The following MEF2D variants were observed in gnomAD, a reference collection of about 807,000 sequenced individuals.
The protein encoded by MEF2D is myocyte-specific enhancer factor 2D.
MEF2D carries 10 observed loss-of-function variants against 59.3 expected under a neutral mutation model. The observed-to-expected ratio is 0.17, with a 90% CI of 0.10 to 0.29. The LOEUF is 0.29. MEF2D is among the 10% of genes least tolerant of loss of function. The probability of loss-of-function intolerance (pLI) is 1.00; values close to 1 mark genes in which losing one functional copy is unlikely to be tolerated. For synonymous variants in MEF2D, 305 were observed against 295.0 expected, an observed-to-expected ratio of 1.03 and a Z score of -0.35; for missense variants, 508 against 699.4, an observed-to-expected ratio of 0.73 and a Z score of 3.09.
intron 6 of MEF2D, among the ~76,000 whole-genome samples, chr1:156,478,241 G>A (rs936941831): frequency 5.9e-5 from 9 of 152,156 alleles, no homozygotes; most frequent in African/African-American, 2.2e-4. Context: ...TTATCACCAG[G>A]GAGGTATTAT....
rs747592550 is a variant in MEF2D, at chr1:156,468,862, G to A, written c.1165C>T (p.Pro389Ser). The A allele has an allele frequency of 3.7e-6, 6 of 1,608,204 alleles. No homozygotes were observed. The highest frequency in any genetic ancestry group is 5.1e-6 in the Non-Finnish European group (6 of 1,174,576). ...GGCTGCTGAGGCTGCTGTGGCTGTG[G>A]CTGCTGTGGCTGCGGTGGCTGCTGC... ...PQQQPPQPQQ[P>S]QPQQPQQPQQ... Residue 389 changes from proline (P) to serine (S), a missense_variant, in exon 10 of 12, where the codon CCA (proline) becomes TCA (serine). Pro to Ser is a moderately conservative substitution (Grantham distance 74). Transcript: ENST00000348159. This position sits in a 1 kb window ranked among gnomAD's most constrained non-coding sequence, Gnocchi z 4.3.
chr1:156,479,851 T>G, intron 4 of MEF2D, 55 bp from the exon 5 acceptor site: 1 of 1,502,542 alleles, frequency 6.7e-7, no homozygotes, highest in East Asian at 2.5e-5. Flanking sequence ...TTCCATGGAG[T>G]CCACTTTTCC....
chr1:156,489,331 ACAGT>A (rs1446139864), intron 1 of MEF2D, among the ~76,000 whole-genome samples: 1 of 152,130 alleles, frequency 6.6e-6, no homozygotes, highest in East Asian at 1.9e-4. Flanking sequence ...TGTCACCCCC[ACAGT>A]CAGGCAGCCT....
chr1:156,494,222 G>A (rs554575972), intron 1 of MEF2D, among the ~76,000 whole-genome samples: 3 of 151,976 alleles, frequency 2.0e-5, no homozygotes, highest in Non-Finnish European at 4.4e-5. Flanking sequence ...TGATCCAACT[G>A]GAGTGGGAAG....
intron 6 of MEF2D, among the ~76,000 whole-genome samples, chr1:156,477,693 A>G (rs1387321376): frequency 6.6e-6 from 1 of 152,162 alleles, no homozygotes; most frequent in Non-Finnish European, 1.5e-5. Context: ...CCTGGTCACC[A>G]TGACAAACCA....
At chr1:156,477,509 T>C (rs1363907680) in intron 6 of MEF2D, among the ~76,000 whole-genome samples, 1 of 152,200 alleles carries the variant, frequency 6.6e-6, no homozygotes, top group Admixed American at 6.5e-5. Flanking sequence ...CTCTAGGCTC[T>C]GCGACGGCCA....
chr1:156,474,311 T>C (rs1291583862), intron 9 of MEF2D, among the ~76,000 whole-genome samples: 1 of 152,098 alleles, frequency 6.6e-6, no homozygotes, highest in Non-Finnish European at 1.5e-5. Flanking sequence ...TAGCTGGGCA[T>C]GGTGGCGCAT....
At chr1:156,499,488 G>C (rs1454652323) in intron 1 of MEF2D, 1 of 152,138 alleles carries the variant, frequency 6.6e-6, no homozygotes, top group African/African-American at 2.4e-5. Flanking sequence ...GGAGTCCTCG[G>C]AAGGCTGCTG....
chr1:156,485,469 C>T (rs1027732886), intron 1 of MEF2D, among the ~76,000 whole-genome samples: 5 of 148,206 alleles, frequency 3.4e-5, no homozygotes, highest in Admixed American at 6.7e-5. Context: ...CTACAGAAAA[C>T]AATGCAGATA....
At position 156,468,924 on chromosome 1, in the gene MEF2D, T is replaced by A; in HGVS notation, c.1103A>T (p.Gln368Leu). ...LGNVTAWQQP[Q>L]QPQQPQQPQP... ...TGGCTGCTGCGGCTGCTGGGGCTGC[T>A]GTGGCTGTTGCCAGGCAGTGACATT... Residue 368 changes from glutamine to leucine, a missense_variant, in exon 10 of 12, where the codon CAG (glutamine) becomes CTG (leucine). Gln to Leu is a moderately radical substitution (Grantham distance 113, BLOSUM62 -2). Coordinates refer to ENST00000348159, the MANE Select transcript of MEF2D (RefSeq NM_005920.4). The surrounding 1 kb of genome is among the most constrained non-coding windows in gnomAD (Gnocchi z 4.3). 6.2e-7 allele frequency: 1 copy of A among 1,613,638 alleles called. No homozygotes were observed.
chr1:156,479,751 C>T lies in MEF2D; in HGVS notation c.442G>A (p.Val148Met), dbSNP rs201630169. 1.4e-5 allele frequency: 22 copies of T among 1,551,572 alleles called. No individual in the cohort carries two copies. Among genetic ancestry groups the T allele is most frequent in the Admixed American group, 9.8e-5 (5 of 50,988 alleles). Residue 148 changes from valine to methionine, a missense_variant, in exon 5 of 12, where the codon GTG becomes ATG. Around this residue, in one of 2 missense-constraint regions of MEF2D, gnomAD observed 481 missense variants for 584.7 expected, o/e 0.82. Transcript: ENST00000348159. ...PNFAMPVTVP[V>M]SNQSSLQFSN... Reference sequence around the variant, plus strand: ...AACTGCAGTGAGCTCTGATTGGACACGGGCACCGTGACAGGCATGGCAAAG... The same window carrying T: ...AACTGCAGTGAGCTCTGATTGGACATGGGCACCGTGACAGGCATGGCAAAG...
chr1:156,489,523 G>A (rs1672612422), intron 1 of MEF2D, among the ~76,000 whole-genome samples: 1 of 152,128 alleles, frequency 6.6e-6, no homozygotes, highest in African/African-American at 2.4e-5. Flanking sequence ...AGAGGAGAGG[G>A]AGAGGCAGGA....
intron 1 of MEF2D, among the ~76,000 whole-genome samples, chr1:156,487,998 G>A (rs1571259066): frequency 6.6e-6 from 1 of 152,338 alleles, no homozygotes; most frequent in Middle Eastern, 3.4e-3. Flanking sequence ...CTGTTCTGAT[G>A]GCCCCAGGGC....
chr1:156,480,769 G>A, intron 4 of MEF2D, 65 bp downstream of exon 4: 1 of 1,607,422 alleles, frequency 6.2e-7, no homozygotes, highest in Non-Finnish European at 8.5e-7. Flanking sequence ...TGTGCTTCTT[G>A]TGCAGCGCCT....
rs1671668630 is a variant in MEF2D, at chr1:156,477,126, G to A, written c.741C>T (p.Ile247=). Residue 247 remains isoleucine (I), a synonymous_variant, in exon 7 of 12, where the codon ATC becomes ATT. Coordinates refer to ENST00000348159, the MANE Select transcript of MEF2D (RefSeq NM_005920.4). ...VANGNSLNKV[I]PAKSPPPPTH... ...TAGGTGGGGGTGGAGACTTGGCAGG[G>A]ATGACCTTGTTTAGGCTGTTGCCAT... The A allele has an allele frequency of 1.2e-6, 2 of 1,614,072 alleles. No homozygotes were observed. Among genetic ancestry groups the A allele is most frequent in the Non-Finnish European group, 1.7e-6 (2 of 1,179,982 alleles).
chr1:156,467,548 G>T lies in MEF2D; in HGVS notation c.*97C>A. On this transcript the variant is annotated 3_prime_UTR_variant, in exon 12 of 12. Transcript: ENST00000348159. ...CAGGACACGAAGCACAAGAAAGGAAGTGGGGGTCGAGCGGGAGGAGCCCGG... is the reference window on the plus strand; with the variant it reads ...CAGGACACGAAGCACAAGAAAGGAATTGGGGGTCGAGCGGGAGGAGCCCGG... The T allele has an allele frequency of 1.1e-6, 1 of 879,702 alleles. No individual in the cohort carries two copies. Among genetic ancestry groups the T allele is most frequent in the Non-Finnish European group, 1.6e-6 (1 of 626,454 alleles). 54.5% of individuals were successfully genotyped at this position (879,702 alleles called of 1,614,324 possible).
Position 156,475,129 on chromosome 1 carries a change from T to C in MEF2D, c.985A>G (p.Met329Val). The change falls in exon 9 of 12, where the codon ATG becomes GTG. Residue 329 changes from methionine to valine, a missense_variant. By Grantham distance (21) the Met-to-Val change is conservative (BLOSUM62 1). Transcript: ENST00000348159. ...TCACCTGTGTTGTAGGCAGTGGGCA[T>C]GGAAGAGAAGGGGAGGCCCTGGCTG... is the stretch of plus-strand genomic sequence containing the variant. ...LLSQGLPFSS[M>V]PTAYNTDYQL... 2 of 1,614,148 alleles carry C rather than the reference T, an allele frequency of 1.2e-6. No homozygotes were observed. Among genetic ancestry groups the C allele is most frequent in the Non-Finnish European group, 1.7e-6 (2 of 1,179,992 alleles).
chr1:156,496,574 T>C (rs982087551), intron 1 of MEF2D, among the ~76,000 whole-genome samples: 2 of 152,170 alleles, frequency 1.3e-5, no homozygotes, highest in Admixed American at 1.3e-4. Context: ...CCTGCTCCAG[T>C]CAGCCCTTCT....
At chr1:156,476,456 A>G (rs373019227) in intron 8 of MEF2D, 38 bp downstream of exon 8, 6 of 1,608,354 alleles carry the variant, frequency 3.7e-6, no homozygotes, top group East Asian at 4.5e-5. Flanking sequence ...AATACCCAGA[A>G]TTCAAAGCCA....
Sources: gnomAD v4.1 joint callset for allele counts (sites outside exome capture counted in the v4.1 genomes callset) on GRCh38, gnomAD v4.1.1 for gene constraint, gnomAD v4.1.1 regional missense constraint, Gnocchi (gnomAD v3.1) non-coding constraint, MANE v1.5 for transcripts, NCBI Gene and HGNC (gene_info 2026-07-23, HGNC 2026-07-21) for gene names.